Variants in LNPK observed in about 807,000 individuals in gnomAD.
LNPK encodes lunapark, ER junction formation factor.
Under a neutral mutation model 55.2 loss-of-function variants are expected in LNPK, and 29 were observed. The observed-to-expected ratio is 0.53, with a 90% CI of 0.39 to 0.72. The LOEUF (loss-of-function observed/expected upper bound fraction) is 0.72. LNPK is among the 30% of genes least tolerant of loss of function. The pLI is 0.00. For missense variants in LNPK, 467 were observed against 494.8 expected (o/e 0.94, Z 0.53); for synonymous variants, 162 against 168.2 (o/e 0.96, Z 0.29).
At position 175,992,337 on chromosome 2, in the gene LNPK, A is replaced by T; in HGVS notation, c.151T>A (p.Ser51Thr). ...AAGCATGTAAACAGATAGAGAACTG[A>T]GGAATACAGAATTAATCTTCCAACC... is the stretch of plus-strand genomic sequence containing the variant. ...LWVGRLILYS[S>T]VLYLFTCLIV... Residue 51 changes from serine (S) to threonine (T), a missense_variant, in exon 4 of 13, where the codon TCA becomes ACA. By Grantham distance (58) the Ser-to-Thr change is moderately conservative. Transcript: ENST00000272748. 1 of 1,555,482 alleles carries T rather than the reference A, an allele frequency of 6.4e-7. No homozygotes were observed. The highest frequency in any genetic ancestry group is 8.6e-7 in the Non-Finnish European group (1 of 1,156,232).
chr2:175,950,291 G>C (rs967270827), intron 8 of LNPK, among the ~76,000 whole-genome samples: 5 of 152,044 alleles, frequency 3.3e-5, no homozygotes, highest in Admixed American at 1.3e-4. Context: ...ATAAAGGTTG[G>C]TTAGTGGGTA....
chr2:175,970,610 C>A (rs901177113), intron 6 of LNPK, among the ~76,000 whole-genome samples, 154 bp downstream of exon 6: 9 of 152,236 alleles, frequency 5.9e-5, no homozygotes, highest in Middle Eastern at 3.4e-3. Context: ...TCATTATTAA[C>A]TAGCAAAAAT....
At chr2:175,977,759 C>T (rs1447586) in intron 5 of LNPK, among the ~76,000 whole-genome samples, 89,939 of 151,580 alleles carry the variant, frequency 0.59, 27,389 homozygotes, top group African/African-American at 0.72. Flanking sequence ...ATAACAACTA[C>T]AAATAATTTT....
At chr2:175,984,691 A>T in intron 4 of LNPK, among the ~76,000 whole-genome samples, 1 of 152,204 alleles carries the variant, frequency 6.6e-6, no homozygotes. Flanking sequence ...GAACAGTCAA[A>T]ATAGAAAAGA....
intron 6 of LNPK, 138 bp downstream of exon 6, chr2:175,970,626 C>A: frequency 2.4e-6 from 1 of 419,838 alleles, no homozygotes; most frequent in Non-Finnish European, 3.8e-6. Flanking sequence ...AAAATATTCA[C>A]AATTTCACTT....
chr2:175,941,267 A>ATATAATTATATTTATATT (rs1553499384), intron 9 of LNPK, among the ~76,000 whole-genome samples: 3 of 144,084 alleles, frequency 2.1e-5, no homozygotes, highest in Non-Finnish European at 4.5e-5. Context: ...AAGCAGCCTA[A>ATATAATTATATTTATATT]TATATTTATA....
In LNPK at chr2:175,929,020, T is replaced by C; in HGVS notation, c.*947A>G. 4 of 632,728 alleles carry C rather than the reference T, an allele frequency of 6.3e-6. No individual in the cohort carries two copies. The highest frequency in any genetic ancestry group is 7.9e-6 in the Non-Finnish European group (4 of 507,454). 39.2% of individuals were successfully genotyped at this position (632,728 alleles called of 1,614,324 possible). A position where few individuals can be genotyped will look rare whatever the true frequency, so the allele number is the denominator to read the frequency against. ...ATTTGCTCTAAGCAGAATCTACAGA[T>C]TTATTGTATTGTGAGCTATTCCTCC... On this transcript the variant is annotated 3_prime_UTR_variant, in exon 13 of 13. Transcript: ENST00000272748.
intron 1 of LNPK, among the ~76,000 whole-genome samples, chr2:175,997,875 A>T (rs1395251565): frequency 1.3e-5 from 2 of 151,022 alleles, no homozygotes; most frequent in Non-Finnish European, 2.9e-5. Flanking sequence ...TGTAGCTGGG[A>T]CTATAGGCAT....
At position 175,930,100 on chromosome 2, in the gene LNPK, T is replaced by A; in HGVS notation, c.1154A>T (p.Asp385Val). The change falls in exon 13 of 13, where the codon GAC (aspartate) becomes GTC (valine). Residue 385 changes from aspartate (D) to valine (V), a missense_variant. Physicochemically the swap from Asp to Val is radical, Grantham distance 152. Transcript: ENST00000272748. ...TTGTTTCTCCTCTGGTTCCTCTGAGTCAGATGCTTTTTCAATCACTTGGTT... is the reference window on the plus strand; with the variant it reads ...TTGTTTCTCCTCTGGTTCCTCTGAGACAGATGCTTTTTCAATCACTTGGTT... ...QTNQVIEKAS[D>V]SEEPEEKQET... 1 of 1,614,052 alleles carries A rather than the reference T, an allele frequency of 6.2e-7. No individual in the cohort carries two copies. The highest frequency in any genetic ancestry group is 8.5e-7 in the Non-Finnish European group (1 of 1,179,964).
At chr2:175,979,333 C>T (rs567105332) in intron 5 of LNPK, among the ~76,000 whole-genome samples, 1,944 of 152,066 alleles carry the variant, frequency 0.013, 42 homozygotes, top group African/African-American at 0.044. Context: ...CAGAGGCAGG[C>T]GGATTGCCTG....
chr2:175,944,080 G>T (rs1684997272), intron 9 of LNPK, among the ~76,000 whole-genome samples: 1 of 151,916 alleles, frequency 6.6e-6, no homozygotes, highest in Non-Finnish European at 1.5e-5. Context: ...GTTTATCAAG[G>T]TTATAGGATA....
At chr2:175,930,347 C>T in intron 12 of LNPK, 148 bp from the exon 13 acceptor site, 8 of 656,930 alleles carry the variant, frequency 1.2e-5, no homozygotes, top group East Asian at 2.7e-5. Flanking sequence ...CTAACATTAT[C>T]CTTAAAATCT....
intron 6 of LNPK, among the ~76,000 whole-genome samples, chr2:175,968,961 T>C (rs1205292503): frequency 1.3e-5 from 2 of 151,514 alleles, no homozygotes; most frequent in Non-Finnish European, 2.9e-5. Flanking sequence ...GAGGTCGCAG[T>C]GACCCGAGAT....
intron 4 of LNPK, among the ~76,000 whole-genome samples, chr2:175,980,883 G>A (rs1168481548): frequency 1.3e-5 from 2 of 149,100 alleles, no homozygotes; most frequent in African/African-American, 4.9e-5. Flanking sequence ...CTCCAGCCTA[G>A]GCGGCAGAGA....
At chr2:175,996,415 C>T (rs1279610361) in intron 1 of LNPK, among the ~76,000 whole-genome samples, 1 of 152,140 alleles carries the variant, frequency 6.6e-6, no homozygotes, top group African/African-American at 2.4e-5. Flanking sequence ...AGAAAGCCAG[C>T]TGAGTTATGA....
chr2:175,929,351 C>G lies in LNPK; in HGVS notation c.*616G>C, dbSNP rs1684155246. On this transcript the variant is annotated 3_prime_UTR_variant, in exon 13 of 13. Coordinates refer to ENST00000272748, the MANE Select transcript of LNPK (RefSeq NM_030650.3). The stretch of plus-strand genomic sequence containing the variant: ...AAAGAAACACTGCAGTTGACTGTTT[C>G]ATTGCATTCTCACTGAGAATTCGTA... 1 of 985,814 alleles carries G rather than the reference C, an allele frequency of 1.0e-6. No individual in the cohort carries two copies. Among genetic ancestry groups the G allele is most frequent in the Non-Finnish European group, 1.2e-6 (1 of 829,884 alleles). 61.1% of individuals were successfully genotyped at this position (985,814 alleles called of 1,614,324 possible).
chr2:175,938,019 C>T (rs1027451782), intron 11 of LNPK, among the ~76,000 whole-genome samples: 3 of 152,074 alleles, frequency 2.0e-5, no homozygotes, highest in African/African-American at 7.2e-5. Context: ...ATACTCAGTC[C>T]ATTAAAGGAG....
chr2:176,001,495 G>A (rs1442203566), intron 1 of LNPK, among the ~76,000 whole-genome samples: 1 of 152,092 alleles, frequency 6.6e-6, no homozygotes, highest in Non-Finnish European at 1.5e-5. Flanking sequence ...ATTTAGATTT[G>A]TTTTTCTCCT....
chr2:175,950,684 G>A (rs575670615), intron 8 of LNPK, among the ~76,000 whole-genome samples: 9 of 152,060 alleles, frequency 5.9e-5, no homozygotes, highest in Non-Finnish European at 1.2e-4. Flanking sequence ...TACTAGATGT[G>A]TATGCTACCT....
Sources: gnomAD v4.1 joint callset for allele counts (sites outside exome capture counted in the v4.1 genomes callset) on GRCh38, gnomAD v4.1.1 for gene constraint, MANE v1.5 for transcripts, NCBI Gene and HGNC (gene_info 2026-07-23, HGNC 2026-07-21) for gene names.